Variants in ARSG observed in about 807,000 individuals in gnomAD.
ARSG encodes arylsulfatase G.
In ARSG, 37 loss-of-function variants were observed where a neutral mutation model predicts 50.5. That is an observed-to-expected ratio of 0.73 (90% CI 0.56 to 0.96). The LOEUF (loss-of-function observed/expected upper bound fraction) is 0.96, where lower values mean the gene tolerates loss of function less well. Ranked by LOEUF, ARSG falls within the 50% of genes least tolerant of loss-of-function variation. The pLI is 0.00. For missense variants in ARSG, 629 were observed against 675.3 expected (o/e 0.93, Z 0.76); for synonymous variants, 225 against 254.6 (o/e 0.88, Z 1.11).
intron 1 of ARSG, among the ~76,000 whole-genome samples, chr17:68,305,035 G>A (rs782653962): frequency 2.0e-5 from 3 of 152,164 alleles, no homozygotes; most frequent in East Asian, 1.9e-4. Context: ...TTAGCTGGGC[G>A]TGGTGGCATA....
At chr17:68,416,413 G>C (rs1392165222) in intron 11 of ARSG, among the ~76,000 whole-genome samples, 1 of 152,072 alleles carries the variant, frequency 6.6e-6, no homozygotes, top group East Asian at 1.9e-4. Context: ...AGGATACCTG[G>C]TATTTTTGTC....
chr17:68,441,214 C>T, the ARSG span: 1 of 152,232 alleles, frequency 6.6e-6, no homozygotes, highest in Non-Finnish European at 1.5e-5. Flanking sequence ...GAGCCCCTGT[C>T]TGGCCAAGCT....
the ARSG span, chr17:68,428,160 A>C: frequency 6.6e-6 from 1 of 151,894 alleles, no homozygotes; most frequent in Non-Finnish European, 1.5e-5. Context: ...GGCCTCCCAA[A>C]GTATTGGGAT....
intron 8 of ARSG, among the ~76,000 whole-genome samples, chr17:68,371,330 A>AAT (rs1440471220): frequency 6.6e-6 from 1 of 151,702 alleles, no homozygotes; most frequent in African/African-American, 2.4e-5. Context: ...AAAAAAAAAA[A>AAT]AAAAAAGAAG....
intron 6 of ARSG, among the ~76,000 whole-genome samples, chr17:68,360,896 C>T (rs918382257): frequency 6.6e-5 from 10 of 152,160 alleles, no homozygotes; most frequent in African/African-American, 1.9e-4. Context: ...GCAATCTTGG[C>T]GCACTGCAAC....
intron 11 of ARSG, among the ~76,000 whole-genome samples, chr17:68,419,041 G>A (rs947445412): frequency 2.0e-5 from 3 of 146,776 alleles, no homozygotes; most frequent in African/African-American, 7.5e-5. Flanking sequence ...AAAAGTCATC[G>A]GAATCATAAA....
downstream of ARSG, chr17:68,421,828 A>T (rs544968296): frequency 6.2e-7 from 1 of 1,614,134 alleles, no homozygotes; most frequent in South Asian, 1.1e-5. Context: ...TATCTACCAA[A>T]ATCAAAACAG....
chr17:68,385,966 A>T (rs1385261827), intron 9 of ARSG, among the ~76,000 whole-genome samples: 6 of 152,188 alleles, frequency 3.9e-5, no homozygotes, highest in Non-Finnish European at 8.8e-5. Flanking sequence ...TTAGGTGAAG[A>T]CATTCCTCCT....
At position 68,407,791 on chromosome 17, in the gene ARSG, T is replaced by C. The variant is rs531312815; in HGVS notation, c.1303+6341T>C. On this transcript the variant is annotated intron_variant, in intron 11 of 11. Coordinates refer to ENST00000621439, the MANE Select transcript of ARSG (RefSeq NM_001267727.2). Reference sequence around the variant, plus strand: ...AGGGTTTTCGAGGTAAACAATCATATTGTCAGCAAACAGTGAGAGTTTGAC... The same window carrying C: ...AGGGTTTTCGAGGTAAACAATCATACTGTCAGCAAACAGTGAGAGTTTGAC... 7.2e-5 allele frequency among the ~76,000 whole-genome samples: 11 copies of C among 152,256 alleles called. No individual in the cohort carries two copies. The South Asian group carries it at 2.3e-3, about 32-fold the overall frequency.
chr17:68,318,776 G>A (rs1241430578), intron 2 of ARSG, among the ~76,000 whole-genome samples: 5 of 152,130 alleles, frequency 3.3e-5, no homozygotes, highest in African/African-American at 1.2e-4. Flanking sequence ...TAGGAGTTAC[G>A]GGCAGTGGCT....
chr17:68,411,957 G>A (rs1446014066), intron 11 of ARSG, among the ~76,000 whole-genome samples: 1 of 151,232 alleles, frequency 6.6e-6, no homozygotes, highest in Non-Finnish European at 1.5e-5. Context: ...GCCTTTTTTT[G>A]TTTTCCATTT....
chr17:68,282,696 A>G (rs1217264167), intron 1 of ARSG, among the ~76,000 whole-genome samples: 2 of 147,298 alleles, frequency 1.4e-5, no homozygotes, highest in Admixed American at 7.0e-5. Context: ...GTAATCCCAG[A>G]ACTTTGGGAG....
At chr17:68,412,186 T>A (rs2082040107) in intron 11 of ARSG, among the ~76,000 whole-genome samples, 1 of 145,562 alleles carries the variant, frequency 6.9e-6, no homozygotes, top group Non-Finnish European at 1.6e-5. Context: ...GTTATTTTGC[T>A]CGTTAGTTGA....
Position 68,319,328 on chromosome 17 carries a change from G to A in ARSG, c.218+11617G>A, listed in dbSNP as rs1264462892. ...TCCTGACTTCTCTTTGTAAGCTCTC[G>A]GCATGGTGGGACAGGCGACTTTATG... On this transcript the variant is annotated intron_variant, in intron 2 of 11. Transcript: ENST00000621439. 4.6e-5 allele frequency among the ~76,000 whole-genome samples: 7 copies of A among 152,094 alleles called. No homozygotes were observed. The South Asian group carries it at 1.2e-3, about 27-fold the overall frequency.
In ARSG at chr17:68,271,200, A is replaced by C; in HGVS notation, c.-552+11774A>C. 1 of 1,614,114 alleles carries C rather than the reference A, an allele frequency of 6.2e-7. No individual in the cohort carries two copies. Among genetic ancestry groups the C allele is most frequent in the East Asian group, 2.2e-5 (1 of 44,890 alleles). ...CGCGGTCCTGGTCAATGCCCAGACTAATGCCCAGAGGAATGATGTACAAGG... is the reference window on the plus strand; with the variant it reads ...CGCGGTCCTGGTCAATGCCCAGACTCATGCCCAGAGGAATGATGTACAAGG... On this transcript the variant is annotated intron_variant, in intron 1 of 11. Transcript: ENST00000448504. This position sits in a 1 kb window ranked among gnomAD's most constrained non-coding sequence, Gnocchi z 5.3.
At chr17:68,404,261 C>T (rs1463106648) in intron 11 of ARSG, among the ~76,000 whole-genome samples, 2 of 152,108 alleles carry the variant, frequency 1.3e-5, no homozygotes, top group Admixed American at 1.3e-4. Context: ...ATTTCTAGTT[C>T]GAGATCCTTG....
chr17:68,380,429 T>A (rs566661384), intron 8 of ARSG, among the ~76,000 whole-genome samples: 1 of 151,868 alleles, frequency 6.6e-6, no homozygotes, highest in African/African-American at 2.4e-5. Context: ...TAGCTAATTA[T>A]TTATTTATTT....
chr17:68,403,371 C>T (rs1318049020), intron 11 of ARSG, among the ~76,000 whole-genome samples: 2 of 152,160 alleles, frequency 1.3e-5, no homozygotes. Flanking sequence ...CTATAACACC[C>T]AGGGGAGGTC....
chr17:68,362,058 AGGACACGCATCTTTT>A (rs1354035478), intron 6 of ARSG, among the ~76,000 whole-genome samples: 1 of 152,228 alleles, frequency 6.6e-6, no homozygotes, highest in Non-Finnish European at 1.5e-5. Context: ...GCTAAGACAC[AGGACACGCATCTTTT>A]GGAACTAGGT....
Sources: gnomAD v4.1 joint callset for allele counts (sites outside exome capture counted in the v4.1 genomes callset) on GRCh38, gnomAD v4.1.1 for gene constraint, Gnocchi (gnomAD v3.1) non-coding constraint, MANE v1.5 for transcripts, NCBI Gene and HGNC (gene_info 2026-07-23, HGNC 2026-07-21) for gene names.